PXDNL: variants seen among roughly 807,000 people sequenced by gnomAD.
PXDNL encodes peroxidasin like.
PXDNL carries 145 observed loss-of-function variants against 150.8 expected under a neutral mutation model. The observed-to-expected ratio is 0.96, with a 90% CI of 0.84 to 1.10. PXDNL has a LOEUF of 1.10. Ranked by LOEUF, PXDNL falls within the 50% of genes least tolerant of loss-of-function variation. The pLI, the probability that PXDNL is intolerant of heterozygous loss-of-function variation, is 0.00. For synonymous variants in PXDNL, 757 were observed against 725.7 expected (o/e 1.04, Z -0.69); for missense variants, 2,087 against 1,873.9 (o/e 1.11, Z -2.10).
At chr8:51,498,421 T>TA (rs1328844625) in intron 5 of PXDNL, among the ~76,000 whole-genome samples, 1 of 147,076 alleles carries the variant, frequency 6.8e-6, no homozygotes, top group Non-Finnish European at 1.5e-5. Context: ...CCCTAAAACT[T>TA]AAAGTATAAT....
intron 2 of PXDNL, among the ~76,000 whole-genome samples, chr8:51,644,275 G>GAGA (rs1206997314): frequency 1.4e-5 from 2 of 138,982 alleles, no homozygotes; most frequent in Non-Finnish European, 3.2e-5. Context: ...AGTCTGGGTG[G>GAGA]AGATCAGGGC....
intron 21 of PXDNL, among the ~76,000 whole-genome samples, chr8:51,338,182 CA>C (rs757946882): frequency 0.054 from 4,888 of 89,786 alleles, 156 homozygotes; most frequent in African/African-American, 0.15. Flanking sequence ...GACTCCATCT[CA>C]AAAAAAAAAA....
chr8:51,524,187 C>T (rs1174327868), intron 4 of PXDNL, among the ~76,000 whole-genome samples: 1 of 152,124 alleles, frequency 6.6e-6, no homozygotes, highest in Non-Finnish European at 1.5e-5. Context: ...CCTGTTATGA[C>T]ACATTGTTAC....
At chr8:51,507,385 A>G (rs1811317943) in intron 4 of PXDNL, among the ~76,000 whole-genome samples, 1 of 152,212 alleles carries the variant, frequency 6.6e-6, no homozygotes, top group African/African-American at 2.4e-5. Flanking sequence ...AGATATGAAA[A>G]TGCAGGACTC....
At position 51,753,887 on chromosome 8, in the gene PXDNL, T is replaced by C. The variant is rs373434250; in HGVS notation, c.164+55294A>G. Among the ~76,000 whole-genome samples the C allele has an allele frequency of 8.3e-4, 126 of 152,338 alleles. 2 individuals carry two copies. The South Asian group carries it at 0.023, about 28-fold the overall frequency. Reference sequence around the variant, plus strand: ...CTGCAGCTTGGCTCCTTACACACAGTGGGCATTCCTTTGTCTGATTTGATG... The same window carrying C: ...CTGCAGCTTGGCTCCTTACACACAGCGGGCATTCCTTTGTCTGATTTGATG... On this transcript the variant is annotated intron_variant, in intron 1 of 22. Transcript: ENST00000356297.
chr8:51,760,889 C>T (rs1432951563), intron 1 of PXDNL, among the ~76,000 whole-genome samples: 4 of 61,366 alleles, frequency 6.5e-5, no homozygotes, highest in South Asian at 1.3e-3. Flanking sequence ...GACGGAGTCT[C>T]GCTCTGTCGC....
intron 10 of PXDNL, among the ~76,000 whole-genome samples, chr8:51,451,130 AATTTT>A (rs1389585331): frequency 2.6e-5 from 4 of 150,970 alleles, no homozygotes; most frequent in East Asian, 1.9e-4. Context: ...ATTAAAATTT[AATTTT>A]ATTTTAATTA....
intron 19 of PXDNL, among the ~76,000 whole-genome samples, chr8:51,348,932 C>T (rs143924569): frequency 2.5e-3 from 373 of 152,238 alleles, no homozygotes; most frequent in African/African-American, 8.8e-3. Flanking sequence ...AGATTTCTGG[C>T]TTATGCAACT....
chr8:51,652,777 A>T (rs28455687), intron 2 of PXDNL, among the ~76,000 whole-genome samples: 7,175 of 152,292 alleles, frequency 0.047, 204 homozygotes, highest in African/African-American at 0.088. Flanking sequence ...GAGGCTTGCA[A>T]TTAACAACAT....
At chr8:51,357,631 C>T (rs1806553681) in intron 19 of PXDNL, among the ~76,000 whole-genome samples, 1 of 152,116 alleles carries the variant, frequency 6.6e-6, no homozygotes, top group Admixed American at 6.6e-5. Context: ...GTCAAAATAA[C>T]ATGGGCAGAG....
intron 1 of PXDNL, among the ~76,000 whole-genome samples, chr8:51,749,271 T>C (rs2037017306): frequency 6.6e-6 from 1 of 152,138 alleles, no homozygotes; most frequent in African/African-American, 2.4e-5. Flanking sequence ...GAGTCATGGG[T>C]CACTTAACGA....
intron 4 of PXDNL, among the ~76,000 whole-genome samples, chr8:51,532,330 C>T (rs61253340): frequency 0.031 from 4,659 of 152,280 alleles, 229 homozygotes; most frequent in African/African-American, 0.11. Flanking sequence ...CTTCAGTTTG[C>T]ATTTGGCAGT....
intron 2 of PXDNL, among the ~76,000 whole-genome samples, chr8:51,607,366 A>G (rs1028099974): frequency 2.0e-4 from 31 of 152,186 alleles, no homozygotes; most frequent in African/African-American, 7.2e-4. Context: ...AGAGCCTTCA[A>G]TCCCTGATGT....
Position 51,408,226 on chromosome 8 carries a change from G to A in PXDNL, c.3398C>T (p.Ala1133Val), listed in dbSNP as rs74731075. 4.4e-3 allele frequency: 7,067 copies of A among 1,613,952 alleles called. 262 individuals are homozygous for A. The African/African-American group carries it at 0.077, about 18-fold the overall frequency. ...TQRLFSAAYS[A>V]AVDSAATIIQ... ...GATGGTGGCAGCCGAATCCACGGCC[G>A]CAGAATAAGCCGCGGAGAAGAGCCT... is the stretch of plus-strand genomic sequence containing the variant. Residue 1133 changes from alanine (A) to valine (V), a missense_variant, in exon 17 of 23, where the codon GCG becomes GTG. By Grantham distance (64) the Ala-to-Val change is moderately conservative. Transcript: ENST00000356297.
chr8:51,515,572 C>T (rs1446359410), intron 4 of PXDNL, among the ~76,000 whole-genome samples: 2 of 152,164 alleles, frequency 1.3e-5, no homozygotes, highest in African/African-American at 4.8e-5. Flanking sequence ...ACATTCCTTG[C>T]CTTCATTTTC....
At chr8:51,458,149 A>G (rs191865094) in intron 8 of PXDNL, among the ~76,000 whole-genome samples, 8 of 152,378 alleles carry the variant, frequency 5.3e-5, no homozygotes, top group Admixed American at 5.2e-4. Context: ...GTATAATTAT[A>G]TGACTAAGCA....
chr8:51,704,046 G>A (rs906757060), intron 1 of PXDNL, among the ~76,000 whole-genome samples: 8 of 152,244 alleles, frequency 5.3e-5, no homozygotes, highest in African/African-American at 1.7e-4. Context: ...CTATAAAATA[G>A]AGAACTACCA....
At chr8:51,676,725 A>T (rs1013597011) in intron 1 of PXDNL, among the ~76,000 whole-genome samples, 3 of 152,130 alleles carry the variant, frequency 2.0e-5, no homozygotes, top group African/African-American at 7.2e-5. Flanking sequence ...CTTCTATCAC[A>T]ATTAGTTTTT....
At chr8:51,614,302 C>T (rs892748327) in intron 2 of PXDNL, among the ~76,000 whole-genome samples, 1 of 152,178 alleles carries the variant, frequency 6.6e-6, no homozygotes, top group Non-Finnish European at 1.5e-5. Context: ...AAGGTTTCTT[C>T]GTACATAGTG....
Sources: allele counts gnomAD v4.1 joint callset (sites outside exome capture counted in the v4.1 genomes callset), GRCh38; gene constraint gnomAD v4.1.1; transcripts MANE v1.5; gene names NCBI Gene and HGNC (gene_info 2026-07-23, HGNC 2026-07-21).